Variants in WWOX observed in about 807,000 individuals in gnomAD.
WWOX encodes WW domain-containing oxidoreductase.
A neutral mutation model predicts 46.2 loss-of-function variants in WWOX; 69 were observed. The observed-to-expected ratio is 1.49, with a 90% confidence interval of 1.23 to 1.82. The LOEUF (loss-of-function observed/expected upper bound fraction) is 1.82. Ranked by LOEUF, WWOX falls within the 40% of genes most tolerant of loss-of-function variation. The pLI is 0.00. For synonymous variants in WWOX, 359 were observed against 202.6 expected, an observed-to-expected ratio of 1.77 and a Z score of -6.56; for missense variants, 919 against 542.6, an observed-to-expected ratio of 1.69 and a Z score of -6.89.
intron 5 of WWOX, among the ~76,000 whole-genome samples, chr16:78,275,686 AG>A (rs1453663084): frequency 6.6e-6 from 1 of 152,122 alleles, no homozygotes; most frequent in Non-Finnish European, 1.5e-5. Context: ...AGAAGGGAGG[AG>A]GGAGGAGGTT....
At chr16:78,930,679 G>A (rs147814484) in intron 8 of WWOX, among the ~76,000 whole-genome samples, 17 of 151,076 alleles carry the variant, frequency 1.1e-4, no homozygotes, top group Admixed American at 8.6e-4. Context: ...TAATCCTATT[G>A]AGTAAATGTA....
At chr16:78,196,715 C>G (rs575481751) in intron 5 of WWOX, among the ~76,000 whole-genome samples, 1 of 152,280 alleles carries the variant, frequency 6.6e-6, no homozygotes, top group South Asian at 2.1e-4. Context: ...TCTGACTGTA[C>G]AGGCAGAGTG....
chr16:79,068,669 G>T (rs1037522687), intron 8 of WWOX, among the ~76,000 whole-genome samples: 2 of 151,756 alleles, frequency 1.3e-5, no homozygotes, highest in Non-Finnish European at 2.9e-5. Flanking sequence ...AAATTAGCCA[G>T]GCGTGGGGGT....
At chr16:78,887,835 T>A (rs1314355496) in intron 8 of WWOX, among the ~76,000 whole-genome samples, 1 of 152,220 alleles carries the variant, frequency 6.6e-6, no homozygotes, top group Non-Finnish European at 1.5e-5. Context: ...CTCTGTCTCT[T>A]TAAGTGTTTA....
chr16:78,814,300 C>G (rs1042316268), intron 8 of WWOX, among the ~76,000 whole-genome samples: 2 of 151,892 alleles, frequency 1.3e-5, no homozygotes, highest in Non-Finnish European at 2.9e-5. Context: ...CCTTTTTATC[C>G]TCCTGGTGAA....
intron 8 of WWOX, among the ~76,000 whole-genome samples, chr16:78,438,093 C>G (rs535383566): frequency 5.9e-5 from 9 of 152,218 alleles, no homozygotes; most frequent in African/African-American, 2.2e-4. Flanking sequence ...CTTTAGAATC[C>G]TACCACACTT....
In WWOX at chr16:79,072,244, C is replaced by G. The variant is rs545203862; in HGVS notation, c.1057-139364C>G. Among the ~76,000 whole-genome samples the G allele has an allele frequency of 1.3e-4, 20 of 152,284 alleles. No individual in the cohort carries two copies. In the South Asian group the frequency reaches 4.1e-3, roughly 32 times the overall value. On this transcript the variant is annotated intron_variant, in intron 8 of 8. Transcript: ENST00000566780. ...GAGGCTGCAGTGAGCTATGATCATA[C>G]CACTGCAATCTAGCCTGAGTAACAG...
chr16:79,047,842 A>G (rs866497011), intron 8 of WWOX, among the ~76,000 whole-genome samples: 1 of 152,010 alleles, frequency 6.6e-6, no homozygotes. Context: ...GTAGTCCTGC[A>G]TGAATGAAGG....
intron 6 of WWOX, among the ~76,000 whole-genome samples, chr16:78,403,557 A>C (rs2082461009): frequency 1.3e-5 from 2 of 152,076 alleles, no homozygotes; most frequent in Admixed American, 6.5e-5. Flanking sequence ...TATTTTCCCC[A>C]CTTACCAAGT....
intron 8 of WWOX, among the ~76,000 whole-genome samples, chr16:78,677,176 G>C (rs1360340428): frequency 5.9e-5 from 9 of 152,058 alleles, no homozygotes; most frequent in African/African-American, 1.7e-4. Context: ...CCCTGGGCAG[G>C]TGCATGAGGG....
intron 8 of WWOX, among the ~76,000 whole-genome samples, chr16:79,054,775 G>A (rs1476455214): frequency 3.9e-5 from 6 of 152,162 alleles, no homozygotes; most frequent in Non-Finnish European, 8.8e-5. Flanking sequence ...GCTGTGAACT[G>A]TGATCACACC....
intron 5 of WWOX, among the ~76,000 whole-genome samples, chr16:78,192,443 G>C (rs2035911825): frequency 7.5e-6 from 1 of 132,682 alleles, no homozygotes; most frequent in African/African-American, 2.9e-5. Flanking sequence ...AGTGAGCCGA[G>C]ATCGCACCAC....
At chr16:78,441,363 C>A (rs140229563) in intron 8 of WWOX, among the ~76,000 whole-genome samples, 1 of 152,282 alleles carries the variant, frequency 6.6e-6, no homozygotes, top group East Asian at 1.9e-4. Flanking sequence ...GGTGCTGAAT[C>A]AGTGAGAGTC....
chr16:78,139,580 G>C (rs1187164049), intron 4 of WWOX, among the ~76,000 whole-genome samples: 2 of 152,304 alleles, frequency 1.3e-5, no homozygotes, highest in East Asian at 1.9e-4. Context: ...AGGAGGCGGA[G>C]GTTGCAGCGA....
chr16:78,415,734 G>A (rs1269411092), intron 6 of WWOX, among the ~76,000 whole-genome samples: 1 of 152,172 alleles, frequency 6.6e-6, no homozygotes, highest in Non-Finnish European at 1.5e-5. Context: ...AGTAGGAAGT[G>A]CCACCTCACT....
chr16:78,114,252 T>G (rs2032656039), intron 3 of WWOX, among the ~76,000 whole-genome samples: 1 of 152,108 alleles, frequency 6.6e-6, no homozygotes. Flanking sequence ...AGGCGTGTGC[T>G]ATCACACTTG....
At chr16:79,134,246 C>T (rs957704278) in intron 8 of WWOX, among the ~76,000 whole-genome samples, 2 of 151,802 alleles carry the variant, frequency 1.3e-5, no homozygotes, top group African/African-American at 2.4e-5. Flanking sequence ...CTGCTGAGGG[C>T]AGTACATGTT....
chr16:78,575,041 A>C (rs1203212850), intron 8 of WWOX, among the ~76,000 whole-genome samples: 1 of 4,078 alleles, frequency 2.5e-4, no homozygotes, highest in Non-Finnish European at 4.3e-4. Context: ...ATATATATAT[A>C]TATATATATA....
At chr16:78,538,466 A>C (rs1007783820) in intron 8 of WWOX, among the ~76,000 whole-genome samples, 1 of 152,166 alleles carries the variant, frequency 6.6e-6, no homozygotes, top group Non-Finnish European at 1.5e-5. Flanking sequence ...ACTGTAATGA[A>C]GATGGAATGA....
Sources: gnomAD v4.1 joint callset for allele counts (sites outside exome capture counted in the v4.1 genomes callset) on GRCh38, gnomAD v4.1.1 for gene constraint, MANE v1.5 for transcripts, NCBI Gene and HGNC (gene_info 2026-07-23, HGNC 2026-07-21) for gene names.